SARDH: variants seen among roughly 807,000 people sequenced by gnomAD.
SARDH encodes sarcosine dehydrogenase.
SARDH carries 95 observed loss-of-function variants against 109.1 expected under a neutral mutation model. The observed-to-expected ratio is 0.87, with a 90% confidence interval of 0.74 to 1.03. The LOEUF (loss-of-function observed/expected upper bound fraction) is 1.03. SARDH is among the 50% of genes least tolerant of loss of function. The pLI, the probability that SARDH is intolerant of heterozygous loss-of-function variation, is 0.00. For synonymous variants in SARDH, 572 were observed against 534.8 expected (o/e 1.07, Z -0.96); for missense variants, 1,267 against 1,287.8 (o/e 0.98, Z 0.25).
At chr9:133,708,462 G>T in intron 10 of SARDH, 34 bp from the exon 11 acceptor site, 1 of 1,585,186 alleles carries the variant, frequency 6.3e-7, no homozygotes. Flanking sequence ...CACTGCTTTG[G>T]GGATGGCCCG....
intron 6 of SARDH, among the ~76,000 whole-genome samples, chr9:133,721,247 C>T (rs1188782039): frequency 6.6e-6 from 1 of 152,198 alleles, no homozygotes; most frequent in South Asian, 2.1e-4. Flanking sequence ...ATCACAACAC[C>T]GGATGGCCAG....
At chr9:133,667,194 GTTTTTT>G (rs59643474) in intron 19 of SARDH, 4,545 of 319,776 alleles carry the variant, frequency 0.014, 5 homozygotes, top group East Asian at 0.024. Context: ...TTCAACTCTG[GTTTTTT>G]TTTTTTTTTT....
chr9:133,704,112 G>T lies in SARDH; in HGVS notation c.1554+836C>A, dbSNP rs1401809418. ...TCATGAGGACGGCATGTCCCTAGGG[G>T]CCAGCAGGAGAAGAGACGATGACCT... On this transcript the variant is annotated intron_variant, in intron 12 of 20. Transcript: ENST00000439388. This position sits in a 1 kb window ranked among gnomAD's most constrained non-coding sequence, Gnocchi z 4.5. Among the ~76,000 whole-genome samples the T allele has an allele frequency of 6.6e-6, 1 of 152,124 alleles. No individual in the cohort carries two copies. Among genetic ancestry groups the T allele is most frequent in the African/African-American group, 2.4e-5 (1 of 41,410 alleles).
chr9:133,732,193 G>C (rs1832707900), intron 3 of SARDH, among the ~76,000 whole-genome samples: 1 of 152,000 alleles, frequency 6.6e-6, no homozygotes, highest in Non-Finnish European at 1.5e-5. Flanking sequence ...GGTGCCCACC[G>C]ACATGAGCCC....
intron 10 of SARDH, among the ~76,000 whole-genome samples, chr9:133,711,047 C>G (rs1831899841): frequency 6.6e-6 from 1 of 152,372 alleles, no homozygotes; most frequent in Middle Eastern, 3.4e-3. Flanking sequence ...TGGCACACTC[C>G]CGCCAAAGTC....
In SARDH at chr9:133,671,608, C is replaced by T. The variant is rs1165706071; in HGVS notation, c.2253G>A (p.Val751=). ...KASCVPVYRA[V]MAAGAKHGLI... is the part of the protein sequence containing the mutation. ...GGCCGTGCTTGGCACCCGCGGCCAT[C>T]ACAGCCCGGTACACAGGCACGCAGG... Residue 751 remains valine (V), a synonymous_variant, in exon 18 of 21, where the codon GTG becomes GTA. Coordinates refer to ENST00000439388, the MANE Select transcript of SARDH (RefSeq NM_001134707.2). 1 of 1,604,066 alleles carries T rather than the reference C, an allele frequency of 6.2e-7. No individual in the cohort carries two copies. Among genetic ancestry groups the T allele is most frequent in the South Asian group, 1.1e-5 (1 of 89,194 alleles).
downstream of SARDH, among the ~76,000 whole-genome samples, chr9:133,660,294 CTG>C (rs925898866): frequency 2.6e-5 from 4 of 152,082 alleles, no homozygotes; most frequent in Admixed American, 1.3e-4. Context: ...GAGGAGGAAA[CTG>C]AGGCTCAGAG....
intron 11 of SARDH, 91 bp from the exon 12 acceptor site, chr9:133,705,122 G>A (rs1410285100): frequency 2.3e-6 from 3 of 1,308,456 alleles, no homozygotes; most frequent in Non-Finnish European, 3.2e-6. Flanking sequence ...TACACCCAAG[G>A]GTGCGGAGAG....
At chr9:133,715,180 C>T (rs554864541) in intron 8 of SARDH, among the ~76,000 whole-genome samples, 52 of 152,308 alleles carry the variant, frequency 3.4e-4, no homozygotes, top group Non-Finnish European at 4.7e-4. Context: ...GGCCATTGGC[C>T]GTGCCTGGCA....
chr9:133,699,322 C>T (rs1432537988), intron 13 of SARDH, among the ~76,000 whole-genome samples: 1 of 152,048 alleles, frequency 6.6e-6, no homozygotes, highest in African/African-American at 2.4e-5. Flanking sequence ...GCCTAGCCAA[C>T]ATGGAGAAAC....
intron 16 of SARDH, among the ~76,000 whole-genome samples, chr9:133,687,751 C>T (rs796120899): frequency 2.0e-5 from 3 of 152,192 alleles, no homozygotes; most frequent in African/African-American, 7.2e-5. Context: ...CTCACACAGC[C>T]CCTACTCCAT....
At chr9:133,671,505 C>T (rs751301436) in intron 18 of SARDH, 30 bp downstream of exon 18, 22 of 1,558,930 alleles carry the variant, frequency 1.4e-5, no homozygotes, top group Middle Eastern at 1.9e-4. Flanking sequence ...CGCCCGCCCC[C>T]GCCCCGTGCT....
At chr9:133,700,426 G>C (rs1055036009) in intron 13 of SARDH, among the ~76,000 whole-genome samples, 2 of 151,700 alleles carry the variant, frequency 1.3e-5, no homozygotes, top group East Asian at 3.9e-4. Flanking sequence ...AGAATATCAC[G>C]CTAAGTGGAA....
Position 133,694,284 on chromosome 9 carries a change from G to C in SARDH, c.1895C>G (p.Ala632Gly). ...TTCAAAGGCGGGGGCCAGCGGGGAG[G>C]CCTGGTGGCTGGGTGCCAGGCGGCT... Reference protein sequence around the residue: ...TVSRLAPSHQASPLAPAFEGD... With the variant: ...TVSRLAPSHQGSPLAPAFEGD... Residue 632 changes from alanine (A) to glycine (G), a missense_variant, in exon 15 of 21, where the codon GCC becomes GGC. By Grantham distance (60) the Ala-to-Gly change is moderately conservative. Coordinates refer to ENST00000439388, the MANE Select transcript of SARDH (RefSeq NM_001134707.2). The C allele has an allele frequency of 6.5e-7, 1 of 1,550,232 alleles. No individual in the cohort carries two copies. Among genetic ancestry groups the C allele is most frequent in the Non-Finnish European group, 8.7e-7 (1 of 1,146,658 alleles).
At chr9:133,665,722 T>C (rs1830039688) in intron 20 of SARDH, among the ~76,000 whole-genome samples, 1 of 152,144 alleles carries the variant, frequency 6.6e-6, no homozygotes, top group Non-Finnish European at 1.5e-5. Context: ...CCCTCCCCAT[T>C]GGGCCTGCGA....
At chr9:133,698,590 C>T (rs1195209650) in intron 13 of SARDH, among the ~76,000 whole-genome samples, 3 of 152,196 alleles carry the variant, frequency 2.0e-5, no homozygotes, top group Non-Finnish European at 2.9e-5. Context: ...TATAGATCAA[C>T]GGAATAGAAT....
In SARDH at chr9:133,694,251, C is replaced by G; in HGVS notation, c.1921+7G>C. ...CACAGCGCCGTGTGCACAGAGGCAT[C>G]CCATACCTTCAAAGGCGGGGGCCAG... is the stretch of plus-strand genomic sequence containing the variant. On this transcript the variant is annotated splice_region_variant and intron_variant, in intron 15 of 20. Coordinates refer to ENST00000439388, the MANE Select transcript of SARDH (RefSeq NM_001134707.2). 6.5e-7 allele frequency: 1 copy of G among 1,541,522 alleles called. No homozygotes were observed. The highest frequency in any genetic ancestry group is 8.8e-7 in the Non-Finnish European group (1 of 1,139,160).
intron 1 of SARDH, among the ~76,000 whole-genome samples, 161 bp from the exon 2 acceptor site, chr9:133,734,364 CTCATTCATTCAT>C (rs199864550): frequency 6.8e-6 from 1 of 147,376 alleles, no homozygotes; most frequent in African/African-American, 2.7e-5. Context: ...CATTCATTCA[CTCATTCATTCAT>C]TCACTCATTC....
At chr9:133,720,257 T>A (rs2131471532) in intron 6 of SARDH, among the ~76,000 whole-genome samples, 1 of 152,002 alleles carries the variant, frequency 6.6e-6, no homozygotes, top group Non-Finnish European at 1.5e-5. Context: ...TGAAACCCCA[T>A]CTCTACTAAA....
Sources: gnomAD v4.1 joint callset for allele counts (sites outside exome capture counted in the v4.1 genomes callset) on GRCh38, gnomAD v4.1.1 for gene constraint, Gnocchi (gnomAD v3.1) non-coding constraint, MANE v1.5 for transcripts, NCBI Gene and HGNC (gene_info 2026-07-23, HGNC 2026-07-21) for gene names.